Variants in ITGAX observed in about 807,000 individuals in gnomAD.
The protein encoded by ITGAX is integrin subunit alpha X.
A neutral mutation model predicts 140.2 loss-of-function variants in ITGAX; 99 were observed. That is an observed-to-expected ratio of 0.71 (90% CI 0.60 to 0.83). The LOEUF (loss-of-function observed/expected upper bound fraction) is 0.83, where lower values mean the gene tolerates loss of function less well. ITGAX is among the 40% of genes least tolerant of loss of function. The pLI is 0.00. For synonymous variants in ITGAX, 631 were observed against 600.4 expected (o/e 1.05, Z -0.75); for missense variants, 1,444 against 1,482.0 (o/e 0.97, Z 0.42).
At chr16:31,380,828 G>T in intron 28 of ITGAX, 69 bp from the exon 29 acceptor site, 1 of 1,426,484 alleles carries the variant, frequency 7.0e-7, no homozygotes, top group Non-Finnish European at 9.9e-7. Flanking sequence ...GTTAAAGGTT[G>T]GGGAGCCTGG....
In ITGAX at chr16:31,371,673, T is replaced by G; in HGVS notation, c.2049T>G (p.Pro683=). The G allele has an allele frequency of 6.2e-7, 1 of 1,614,120 alleles. No homozygotes were observed. Among genetic ancestry groups the G allele is most frequent in the South Asian group, 1.1e-5 (1 of 91,076 alleles). ...SSVTLDLALD[P]GRLSPRATFQ... ...TGACCTTGGACCTGGCCCTCGACCC[T>G]GGCCGCCTGAGTCCCCGTGCCACCT... The change falls in exon 17 of 30, where the codon CCT becomes CCG. Residue 683 remains proline, a synonymous_variant. Coordinates refer to ENST00000268296, the MANE Select transcript of ITGAX (RefSeq NM_000887.5).
In ITGAX at chr16:31,360,314, C is replaced by T. The variant is rs1288044879; in HGVS notation, c.712C>T (p.Arg238Ter). 4 of 1,609,684 alleles carry T rather than the reference C, an allele frequency of 2.5e-6. No homozygotes were observed. The highest frequency in any genetic ancestry group is 3.4e-5 in the Admixed American group (2 of 59,270). ...AGACCTCTCCTTTCCTGATAGGCAC[C>T]GATTGTTCCATGCCTCATATGGGGC... ...TATAIQNVVHRLFHASYGARR... is the reference protein window; with the variant it reads ...TATAIQNVVH Residue 238 changes from arginine (R) to a stop codon, truncating the protein, a stop_gained, in exon 8 of 30, where the codon CGA becomes TGA. Transcript: ENST00000268296. LOFTEE classifies it high-confidence loss of function.
intron 20 of ITGAX, among the ~76,000 whole-genome samples, chr16:31,374,932 A>T (rs1180729655): frequency 6.6e-6 from 1 of 152,244 alleles, no homozygotes; most frequent in Non-Finnish European, 1.5e-5. Flanking sequence ...GAATGGATGA[A>T]TACTATTATC....
intron 8 of ITGAX, chr16:31,360,847 C>T (rs769263032): frequency 1.9e-4 from 107 of 553,404 alleles, no homozygotes; most frequent in Middle Eastern, 4.8e-4. Context: ...CCAGCTCTCT[C>T]GGCTCTTACT....
chr16:31,361,920 C>T lies in ITGAX; in HGVS notation c.1086+11C>T. The T allele has an allele frequency of 1.9e-6, 3 of 1,613,932 alleles. No individual in the cohort carries two copies. The highest frequency in any genetic ancestry group is 1.3e-5 in the African/African-American group (1 of 75,034). ...GCTGTGTTCACACCTGTGAGTGGGG[C>T]CCCTTAGGCCGATGATGTGCCGTGA... On this transcript the variant is annotated intron_variant, in intron 10 of 29. Coordinates refer to ENST00000268296, the MANE Select transcript of ITGAX (RefSeq NM_000887.5).
Position 31,371,129 on chromosome 16 carries a change from C to T in ITGAX, c.1756C>T (p.Gln586Ter). The change falls in exon 15 of 30, where the codon CAG (glutamine) becomes TAG (stop). Residue 586 changes from glutamine (Q) to a stop codon, truncating the protein, a stop_gained. Coordinates refer to ENST00000268296, the MANE Select transcript of ITGAX (RefSeq NM_000887.5). LOFTEE classifies it high-confidence loss of function. ...QLSSRLQYFG[Q>*]ALSGGQDLTQ... ...CTCCTCCAGGCTGCAGTATTTTGGG[C>T]AGGCACTGAGCGGGGGTCAAGACCT... The T allele has an allele frequency of 6.2e-7, 1 of 1,614,126 alleles. No individual in the cohort carries two copies. The highest frequency in any genetic ancestry group is 8.5e-7 in the Non-Finnish European group (1 of 1,180,026).
chr16:31,359,934 GTTCTCCAACAAA>G lies in ITGAX; in HGVS notation c.580_591del (p.Ser194_Phe197del), dbSNP rs1264177662. On this transcript the variant is annotated inframe_deletion, in exon 7 of 30. Transcript: ENST00000268296. ...GCTTCTCCCAGTTTTCCCTGATGCAGTTCTCCAACAAATTCCAAACACACTTCACTTTCGAGG... is the reference window on the plus strand; with the variant it reads ...GCTTCTCCCAGTTTTCCCTGATGCAGTTCCAAACACACTTCACTTTCGAGG... The G allele has an allele frequency of 6.2e-7, 1 of 1,614,040 alleles. No homozygotes were observed. Among genetic ancestry groups the G allele is most frequent in the Non-Finnish European group, 8.5e-7 (1 of 1,180,046 alleles).
At chr16:31,362,292 T>C in intron 11 of ITGAX, 88 bp downstream of exon 11, 1 of 1,337,568 alleles carries the variant, frequency 7.5e-7, no homozygotes, top group Non-Finnish European at 9.9e-7. Context: ...ATGGGGGCTG[T>C]GCTGCCCAGG....
chr16:31,376,715 A>T, intron 20 of ITGAX, 84 bp from the exon 21 acceptor site: 1 of 1,239,286 alleles, frequency 8.1e-7, no homozygotes. Flanking sequence ...GAATGCTGTT[A>T]TATTAGGTTG....
rs1567308766 is a variant in ITGAX at position 31,380,026 on chromosome 16, A to G, written c.3021A>G (p.Ala1007=). The G allele has an allele frequency of 1.9e-6, 3 of 1,614,118 alleles. No individual in the cohort carries two copies. Among genetic ancestry groups the G allele is most frequent in the Non-Finnish European group, 2.5e-6 (3 of 1,180,002 alleles). ...CCTCAGAGAAAATCGCACCCCCAGC[A>G]TCTGACTTCCTGGCGCACATTCAGA... ...RCSSEKIAPP[A]SDFLAHIQKN... Residue 1007 remains alanine, a synonymous_variant, in exon 26 of 30, where the codon GCA becomes GCG. Coordinates refer to ENST00000268296, the MANE Select transcript of ITGAX (RefSeq NM_000887.5).
intron 11 of ITGAX, 133 bp from the exon 12 acceptor site, chr16:31,362,478 A>T (rs1597067293): frequency 1.1e-6 from 1 of 929,240 alleles, no homozygotes; most frequent in Non-Finnish European, 1.4e-6. Context: ...GGGAGAGAGG[A>T]TGGGGGCTGC....
chr16:31,362,754 G>A lies in ITGAX; in HGVS notation c.1359+1G>A. On this transcript the variant is annotated splice_donor_variant, in intron 12 of 29. Coordinates refer to ENST00000268296, the MANE Select transcript of ITGAX (RefSeq NM_000887.5). LOFTEE classifies it high-confidence loss of function. ...GAAGGCCGAAGTCACGGGGACTCAG[G>A]TTGGGCGTGACAGGAGCCAGAGGGG... 1 of 1,613,798 alleles carries A rather than the reference G, an allele frequency of 6.2e-7. No homozygotes were observed. Among genetic ancestry groups the A allele is most frequent in the Non-Finnish European group, 8.5e-7 (1 of 1,179,834 alleles).
In ITGAX at chr16:31,361,141, T is replaced by G. The variant is rs2080820137; in HGVS notation, c.940T>G (p.Phe314Val). The G allele has an allele frequency of 6.2e-7, 1 of 1,613,656 alleles. No individual in the cohort carries two copies. The highest frequency in any genetic ancestry group is 1.3e-5 in the African/African-American group (1 of 74,890). ...IASKPSQEHI[F>V]KVEDFDALKD... ...ATCGAAGCCCTCCCAGGAACACATA[T>G]TTAAAGTGGAGGACTTTGATGCTCT... Residue 314 changes from phenylalanine to valine, a missense_variant, in exon 9 of 30, where the codon TTT (phenylalanine) becomes GTT (valine). Physicochemically the swap from Phe to Val is conservative, Grantham distance 50. Coordinates refer to ENST00000268296, the MANE Select transcript of ITGAX (RefSeq NM_000887.5).
intron 23 of ITGAX, among the ~76,000 whole-genome samples, chr16:31,378,221 G>A (rs1382493903): frequency 2.0e-5 from 3 of 152,240 alleles, no homozygotes; most frequent in Non-Finnish European, 4.4e-5. Flanking sequence ...GTATGTGGGG[G>A]ACTGGGAAGG....
intron 28 of ITGAX, 91 bp downstream of exon 28, chr16:31,380,715 G>A: frequency 2.0e-6 from 3 of 1,522,640 alleles, no homozygotes; most frequent in East Asian, 2.3e-5. Flanking sequence ...GCAAGCCTTG[G>A]GGGAGGAGGG....
rs2080982409 is a variant in ITGAX, at chr16:31,372,754, A to G, written c.2366+84A>G. 16 of 1,290,810 alleles carry G rather than the reference A, an allele frequency of 1.2e-5. No homozygotes were observed. In the South Asian group the frequency reaches 2.0e-4, roughly 16 times the overall value. 80.0% of individuals were successfully genotyped at this position (1,290,810 alleles called of 1,614,324 possible). ...ACTCCTGCCTCTGGCTCTCCCTAAC[A>G]TTGTCTCATCCTATAGTCAAAACCC... On this transcript the variant is annotated intron_variant, in intron 19 of 29. Coordinates refer to ENST00000268296, the MANE Select transcript of ITGAX (RefSeq NM_000887.5).
Position 31,376,861 on chromosome 16 carries a change from C to A in ITGAX, c.2571C>A (p.Gly857=). 6.2e-7 allele frequency: 1 copy of A among 1,614,226 alleles called. No individual in the cohort carries two copies. Among genetic ancestry groups the A allele is most frequent in the East Asian group, 2.2e-5 (1 of 44,896 alleles). The stretch of plus-strand genomic sequence containing the variant: ...ACAGCGCCCCAGTTGGGAGCCAGGG[C>A]ACCTGGAGCACCAGCTGCAGAATCA... ...TCDSAPVGSQ[G]TWSTSCRINH... The change falls in exon 21 of 30, where the codon GGC becomes GGA. Residue 857 remains glycine (G), a synonymous_variant. Transcript: ENST00000268296.
At chr16:31,376,580 G>A (rs1054134629) in intron 20 of ITGAX, among the ~76,000 whole-genome samples, 4 of 152,204 alleles carry the variant, frequency 2.6e-5, no homozygotes, top group Admixed American at 6.5e-5. Flanking sequence ...AGCTGTGATT[G>A]CATCACTGCT....
intron 17 of ITGAX, among the ~76,000 whole-genome samples, chr16:31,372,050 CT>C (rs2080969539): frequency 6.6e-6 from 1 of 152,008 alleles, no homozygotes; most frequent in South Asian, 2.1e-4. Flanking sequence ...TCCGGCTGGG[CT>C]TTTTTTCAGG....
Sources: gnomAD v4.1 joint callset for allele counts (sites outside exome capture counted in the v4.1 genomes callset) on GRCh38, gnomAD v4.1.1 for gene constraint, MANE v1.5 for transcripts, NCBI Gene and HGNC (gene_info 2026-07-23, HGNC 2026-07-21) for gene names.